The following PIGF variants were observed in gnomAD, a reference collection of about 807,000 sequenced individuals.
PIGF encodes the protein GPI ethanolamine phosphate transferase, stabilizing subunit.
Under a neutral mutation model 26.0 loss-of-function variants are expected in PIGF, and 23 were observed. The ratio of observed to expected loss-of-function variants is 0.88; its 90% CI spans 0.64 to 1.25. PIGF has a LOEUF of 1.25. Among genes scored for constraint, PIGF ranks in the 50% most tolerant of loss-of-function variants. The pLI is 0.00. For synonymous variants in PIGF, 93 were observed against 92.6 expected (o/e 1.00, Z -0.03); for missense variants, 278 against 249.9 (o/e 1.11, Z -0.76).
Position 46,588,470 on chromosome 2 carries a change from G to A in PIGF, c.546+4005C>T, listed in dbSNP as rs1032275349. 2 of 245,500 alleles carry A rather than the reference G, an allele frequency of 8.1e-6. No individual in the cohort carries two copies. The highest frequency in any genetic ancestry group is 4.6e-5 in the African/African-American group (2 of 43,464). The allele number at this position is 245,500 out of a possible 1,614,324, so 15.2% of individuals were successfully genotyped here. ...TAATTAAGTAATAACCATGTGTCAG[G>A]TGCTGAGCTAGGTATTTTAGAGGGA... On this transcript the variant is annotated intron_variant, in intron 5 of 5. Transcript: ENST00000281382. The surrounding 1 kb of genome is among the most constrained non-coding windows in gnomAD (Gnocchi z 4.1).
chr2:46,587,745 A>G (rs182101378), intron 5 of PIGF, among the ~76,000 whole-genome samples: 2 of 152,302 alleles, frequency 1.3e-5, no homozygotes, highest in East Asian at 1.9e-4. Flanking sequence ...AAATCATTGC[A>G]TATTAGCTTT....
intron 4 of PIGF, among the ~76,000 whole-genome samples, chr2:46,608,921 G>A (rs1407103942): frequency 1.3e-5 from 2 of 152,170 alleles, no homozygotes; most frequent in Non-Finnish European, 2.9e-5. Flanking sequence ...AAGGGCCCTA[G>A]GATTTGCAAA....
chr2:46,601,832 C>T (rs898848342), intron 4 of PIGF, among the ~76,000 whole-genome samples: 19 of 151,912 alleles, frequency 1.3e-4, no homozygotes, highest in African/African-American at 4.6e-4. Context: ...AATGTTTTCA[C>T]CTCGGCTAGA....
Position 46,612,349 on chromosome 2 carries a change from A to G in PIGF, c.321-5T>C, listed in dbSNP as rs1205734848. 9.9e-6 allele frequency: 7 copies of G among 708,994 alleles called. No individual in the cohort carries two copies. The highest frequency in any genetic ancestry group is 2.6e-5 in the South Asian group (1 of 38,154). The allele number at this position is 708,994 out of a possible 1,614,324, so 43.9% of individuals were successfully genotyped here. On this transcript the variant is annotated splice_region_variant and splice_polypyrimidine_tract_variant and intron_variant, in intron 3 of 5. Coordinates refer to ENST00000281382, the MANE Select transcript of PIGF (RefSeq NM_002643.4). ...AAAAATGTTTCCAATGCCAACCTAG[A>G]AAAAAAAAAAGATTACTTTTTAAAA...
Position 46,612,284 on chromosome 2 carries a change from G to A in PIGF, c.381C>T (p.Cys127=). 5 of 1,486,574 alleles carry A rather than the reference G, an allele frequency of 3.4e-6. No homozygotes were observed. The highest frequency in any genetic ancestry group is 3.6e-6 in the Non-Finnish European group (4 of 1,111,734). The allele number at this position is 1,486,574 out of a possible 1,614,324, so 92.1% of individuals were successfully genotyped here. The change falls in exon 4 of 6, where the codon TGC becomes TGT. Residue 127 remains cysteine, a synonymous_variant. Coordinates refer to ENST00000281382, the MANE Select transcript of PIGF (RefSeq NM_002643.4). ...TGAGGTTTGGTCCTAACAAACATAA[G>A]CAAGGCACAGTAGTAAAAGTAGACA... The part of the protein sequence containing the change: ...VILSTFTTVP[C]LCLLGPNLKA...
At chr2:46,591,957 C>T in intron 5 of PIGF, 2 of 1,302,614 alleles carry the variant, frequency 1.5e-6, no homozygotes, top group Non-Finnish European at 2.0e-6. Context: ...TTCAATTTGG[C>T]CATCAATCAA....
Position 46,589,811 on chromosome 2 carries a change from T to C in PIGF, c.546+2664A>G, listed in dbSNP as rs1669673864. On this transcript the variant is annotated intron_variant, in intron 5 of 5. Transcript: ENST00000281382. This position sits in a 1 kb window ranked among gnomAD's most constrained non-coding sequence, Gnocchi z 4.7. ...TCTGGGAGATGCTGTTCTGTGGAGT[T>C]AGAATTATTAAAAAATAACAATAAC... 6.6e-6 allele frequency among the ~76,000 whole-genome samples: 1 copy of C among 151,960 alleles called. No homozygotes were observed. The highest frequency in any genetic ancestry group is 1.5e-5 in the Non-Finnish European group (1 of 67,900).
chr2:46,612,658 T>G (rs1461787884), intron 3 of PIGF, among the ~76,000 whole-genome samples: 1 of 137,198 alleles, frequency 7.3e-6, no homozygotes, highest in Admixed American at 7.6e-5. Flanking sequence ...TTCTGCTCAA[T>G]AGTCTCTCTG....
At chr2:46,613,892 T>C (rs1670508257) in intron 2 of PIGF, 107 bp from the exon 3 acceptor site, 3 of 927,882 alleles carry the variant, frequency 3.2e-6, no homozygotes, top group Non-Finnish European at 4.9e-6. Context: ...TGTAAAACAG[T>C]TCAAATGTTC....
At chr2:46,594,143 C>T (rs772419247) in intron 4 of PIGF, among the ~76,000 whole-genome samples, 1 of 152,208 alleles carries the variant, frequency 6.6e-6, no homozygotes. Context: ...GAAGGAAAAA[C>T]TGGCCAAGTT....
chr2:46,614,619 C>T (rs1448983022), intron 2 of PIGF: 1 of 178,280 alleles, frequency 5.6e-6, no homozygotes, highest in Non-Finnish European at 1.2e-5. Flanking sequence ...ACTGCAATGT[C>T]TTATTGAGTA....
rs990047440 is a variant in PIGF, at chr2:46,601,095, C to A, written c.438-8512G>T. On this transcript the variant is annotated intron_variant, in intron 4 of 5. Coordinates refer to ENST00000281382, the MANE Select transcript of PIGF (RefSeq NM_002643.4). ...TAAAAAGAATAAAATAGGTAAATTC[C>A]TTTCTATTAACTAATTTCTAGCATC... Among the ~76,000 whole-genome samples the A allele has an allele frequency of 5.3e-5, 8 of 151,792 alleles. No homozygotes were observed. The East Asian group carries it at 1.4e-3, about 26-fold the overall frequency.
intron 4 of PIGF, among the ~76,000 whole-genome samples, chr2:46,610,989 TG>T (rs1333628304): frequency 6.6e-6 from 1 of 152,186 alleles, no homozygotes; most frequent in African/African-American, 2.4e-5. Flanking sequence ...TTGCACGAGG[TG>T]CCTTTCTCTT....
At chr2:46,597,775 C>G (rs1021745538) in intron 4 of PIGF, among the ~76,000 whole-genome samples, 1 of 152,182 alleles carries the variant, frequency 6.6e-6, no homozygotes, top group African/African-American at 2.4e-5. Context: ...AAGTTCAGTG[C>G]CATTCTGGTT....
At chr2:46,597,359 T>A (rs1237142718) in intron 4 of PIGF, among the ~76,000 whole-genome samples, 1 of 152,074 alleles carries the variant, frequency 6.6e-6, no homozygotes, top group Non-Finnish European at 1.5e-5. Context: ...AGTCTGAAAA[T>A]GATTTTACTG....
At chr2:46,591,537 G>A (rs1204658177) in intron 5 of PIGF, 4 of 913,976 alleles carry the variant, frequency 4.4e-6, no homozygotes, top group Non-Finnish European at 5.2e-6. Context: ...ATTACTCTGT[G>A]AACCTAATTA....
At chr2:46,607,949 C>T (rs1438314704) in intron 4 of PIGF, among the ~76,000 whole-genome samples, 1 of 152,176 alleles carries the variant, frequency 6.6e-6, no homozygotes, top group African/African-American at 2.4e-5. Context: ...CTGCCTGTCT[C>T]AGCCTCCCAA....
At chr2:46,595,010 AT>A (rs941835913) in intron 4 of PIGF, among the ~76,000 whole-genome samples, 6 of 137,568 alleles carry the variant, frequency 4.4e-5, no homozygotes, top group South Asian at 2.4e-4. Flanking sequence ...AATTTTTTGT[AT>A]TTTTTTTTAG....
intron 1 of PIGF, chr2:46,616,757 A>G: frequency 5.8e-6 from 1 of 172,080 alleles, no homozygotes; most frequent in South Asian, 1.0e-4. Context: ...ATCAAAGAGC[A>G]TGGGAGTTGA....
Sources: allele counts gnomAD v4.1 joint callset (sites outside exome capture counted in the v4.1 genomes callset), GRCh38; gene constraint gnomAD v4.1.1; non-coding constraint Gnocchi (gnomAD v3.1); transcripts MANE v1.5; gene names NCBI Gene and HGNC (gene_info 2026-07-23, HGNC 2026-07-21).